MDH1: variants seen among roughly 807,000 people sequenced by gnomAD.
The protein encoded by MDH1 is malate dehydrogenase, cytoplasmic.
A neutral mutation model predicts 38.7 loss-of-function variants in MDH1; 15 were observed. That is an observed-to-expected ratio of 0.39 (90% CI 0.26 to 0.60). MDH1 has a LOEUF of 0.60. Ranked by LOEUF, MDH1 falls within the 20% of genes least tolerant of loss-of-function variation. MDH1 has a pLI of 0.56. For synonymous variants in MDH1, 144 were observed against 143.6 expected, an observed-to-expected ratio of 1.00 and a Z score of -0.02; for missense variants, 368 against 405.2, an observed-to-expected ratio of 0.91 and a Z score of 0.79.
chr2:63,597,663 C>T (rs1397479887), intron 4 of MDH1, 89 bp downstream of exon 4: 6 of 1,196,232 alleles, frequency 5.0e-6, no homozygotes, highest in African/African-American at 1.6e-5. Flanking sequence ...AATTATTTGC[C>T]CTTTTTTCTA....
rs1219436156 is a variant in MDH1 at position 63,605,783 on chromosome 2, T to TA, written c.790-155dup. On this transcript the variant is annotated intron_variant, in intron 7 of 8. Transcript: ENST00000233114. ...GGAATGAAATAATATCCATGAAAGTTACCTTGTCACCAGTACCTGGTGCTG... is the reference window on the plus strand; with the variant it reads ...GGAATGAAATAATATCCATGAAAGTTAACCTTGTCACCAGTACCTGGTGCTG... 131 of 667,908 alleles carry TA rather than the reference T, an allele frequency of 2.0e-4. 1 individual carries two copies. In the East Asian group the frequency reaches 3.4e-3, roughly 17 times the overall value. The allele number at this position is 667,908 out of a possible 1,614,324, so 41.4% of individuals were successfully genotyped here.
At chr2:63,599,313 A>G in intron 5 of MDH1, 21 bp downstream of exon 5, 2 of 1,600,434 alleles carry the variant, frequency 1.2e-6, no homozygotes, top group Non-Finnish European at 1.7e-6. Flanking sequence ...TATATTTTAA[A>G]TCTTGTGGTT....
chr2:63,597,044 T>G (rs1344746461), intron 3 of MDH1, among the ~76,000 whole-genome samples: 3 of 152,228 alleles, frequency 2.0e-5, no homozygotes, highest in Non-Finnish European at 2.9e-5. Flanking sequence ...AATTTAAAGG[T>G]TAGGTGAATT....
intron 2 of MDH1, chr2:63,595,053 G>A: frequency 3.3e-6 from 1 of 305,490 alleles, no homozygotes; most frequent in Non-Finnish European, 6.2e-6. Context: ...TTGACCCATG[G>A]ATACTGAATT....
chr2:63,604,488 T>G (rs1359784144), intron 5 of MDH1, among the ~76,000 whole-genome samples: 2 of 152,228 alleles, frequency 1.3e-5, no homozygotes, highest in African/African-American at 4.8e-5. Flanking sequence ...TCCATAAGGT[T>G]TCAAGTCCAC....
At position 63,600,898 on chromosome 2, in the gene MDH1, TACA is replaced by T. The variant is rs1282154895; in HGVS notation, c.498+1611_498+1613del. ...GCCAGAAAGTGACTTATTTAGTTCC[TACA>T]ACAAGAAAGTTCCTACAACAATGAC... On this transcript the variant is annotated intron_variant, in intron 5 of 8. Transcript: ENST00000233114. Among the ~76,000 whole-genome samples, 6 of 152,340 alleles carry T rather than the reference TACA, an allele frequency of 3.9e-5. No individual in the cohort carries two copies. In the East Asian group the frequency reaches 1.2e-3, roughly 29 times the overall value.
intron 7 of MDH1, 67 bp downstream of exon 7, chr2:63,605,460 A>G: frequency 1.8e-6 from 2 of 1,133,722 alleles, no homozygotes; most frequent in Non-Finnish European, 2.7e-6. Context: ...ATAATATAAA[A>G]AGAATATAGC....
chr2:63,594,279 A>G (rs1268239495), intron 1 of MDH1: 2 of 666,312 alleles, frequency 3.0e-6, no homozygotes, highest in Non-Finnish European at 5.6e-6. Context: ...TAAATCCAGG[A>G]TAACACTTTT....
intron 1 of MDH1, chr2:63,589,418 C>G (rs1176922650): frequency 6.5e-7 from 1 of 1,535,062 alleles, no homozygotes; most frequent in Non-Finnish European, 8.8e-7. Flanking sequence ...GGGTCCTAAC[C>G]CCTTTTTCTC....
chr2:63,596,477 G>T (rs1575721915), intron 3 of MDH1, among the ~76,000 whole-genome samples: 1 of 152,200 alleles, frequency 6.6e-6, no homozygotes, highest in East Asian at 1.9e-4. Context: ...TCCTTTCTCT[G>T]CTGAGTTCCC....
intron 5 of MDH1, chr2:63,599,774 C>G (rs1182440888): frequency 6.6e-6 from 1 of 152,072 alleles, no homozygotes; most frequent in Non-Finnish European, 1.5e-5. Flanking sequence ...TTTTAATATT[C>G]TATGTGTATC....
chr2:63,599,850 G>C (rs57413391), intron 5 of MDH1: 5,818 of 152,184 alleles, frequency 0.038, 140 homozygotes, highest in African/African-American at 0.064. Flanking sequence ...TACTCTTAGA[G>C]CCATAGATAA....
At chr2:63,600,951 C>T (rs970650243) in intron 5 of MDH1, among the ~76,000 whole-genome samples, 2 of 152,176 alleles carry the variant, frequency 1.3e-5, no homozygotes, top group African/African-American at 2.4e-5. Flanking sequence ...TTTGTTGTTT[C>T]ACCTGAGGCT....
intron 1 of MDH1, among the ~76,000 whole-genome samples, chr2:63,592,362 T>A (rs980131701): frequency 2.0e-5 from 3 of 152,206 alleles, no homozygotes; most frequent in African/African-American, 7.2e-5. Context: ...TGAAAAAGTT[T>A]TTGTTTGAGA....
intron 1 of MDH1, 113 bp downstream of exon 1, chr2:63,589,159 C>G: frequency 6.2e-7 from 1 of 1,611,954 alleles, no homozygotes. Context: ...GTCCTTCGCG[C>G]CCTTTGGCAA....
rs990800785 is a variant in MDH1 at position 63,588,968 on chromosome 2, A to G, written c.-76A>G. ...TAACACCGCTCGCCCTCTCCGAGTC[A>G]GTTCCGCGGTAGAGGTGACCTGACT... On this transcript the variant is annotated 5_prime_UTR_variant, in exon 1 of 9. Transcript: ENST00000233114. The G allele has an allele frequency of 2.8e-5, 45 of 1,605,962 alleles. No individual in the cohort carries two copies. In the African/African-American group the frequency reaches 5.7e-4, roughly 20 times the overall value.
chr2:63,589,134 G>A lies in MDH1; in HGVS notation c.3+88G>A, dbSNP rs1709090852. 8 of 1,613,790 alleles carry A rather than the reference G, an allele frequency of 5.0e-6. No individual in the cohort carries two copies. The South Asian group carries it at 6.6e-5, about 13-fold the overall frequency. ...GCACTTTAGGGACTTTTGGGAGGCAGCTGTGCAAGGCACTGTCCTTCGCGC... is the reference window on the plus strand; with the variant it reads ...GCACTTTAGGGACTTTTGGGAGGCAACTGTGCAAGGCACTGTCCTTCGCGC... On this transcript the variant is annotated intron_variant, in intron 1 of 8. Transcript: ENST00000233114.
intron 5 of MDH1, among the ~76,000 whole-genome samples, chr2:63,601,937 T>G (rs1356942375): frequency 6.6e-6 from 1 of 152,234 alleles, no homozygotes; most frequent in Non-Finnish European, 1.5e-5. Flanking sequence ...CAGTTCTTTC[T>G]GGTCATGGCA....
Position 63,606,959 on chromosome 2 carries a change from G to A in MDH1, c.977G>A (p.Ser326Asn). ...TAKELTEEKE[S>N]AFEFLSSA Reference sequence around the variant, plus strand: ...AAGGAACTGACAGAAGAAAAAGAAAGTGCTTTTGAATTTCTTTCCTCTGCC... The same window carrying A: ...AAGGAACTGACAGAAGAAAAAGAAAATGCTTTTGAATTTCTTTCCTCTGCC... Residue 326 changes from serine to asparagine, a missense_variant, in exon 9 of 9, where the codon AGT (serine) becomes AAT (asparagine). Physicochemically the swap from Ser to Asn is conservative, Grantham distance 46 (BLOSUM62 1). Transcript: ENST00000233114. The A allele has an allele frequency of 6.2e-7, 1 of 1,612,304 alleles. No homozygotes were observed. The highest frequency in any genetic ancestry group is 8.5e-7 in the Non-Finnish European group (1 of 1,179,204).
Sources: allele counts gnomAD v4.1 joint callset (sites outside exome capture counted in the v4.1 genomes callset), GRCh38; gene constraint gnomAD v4.1.1; transcripts MANE v1.5; gene names NCBI Gene and HGNC (gene_info 2026-07-23, HGNC 2026-07-21).